OSBPL11: variants seen among roughly 807,000 people sequenced by gnomAD.
The protein encoded by OSBPL11 is oxysterol binding protein like 11, also known as oxysterol-binding protein-related protein 11.
A neutral mutation model predicts 84.4 loss-of-function variants in OSBPL11; 33 were observed. The ratio of observed to expected loss-of-function variants is 0.39; its 90% CI spans 0.30 to 0.52. The LOEUF is 0.52. Among genes scored for constraint, OSBPL11 ranks in the 20% least tolerant of loss-of-function variants. OSBPL11 has a pLI of 0.72. For synonymous variants in OSBPL11, 276 were observed against 310.2 expected (o/e 0.89, Z 1.16); for missense variants, 736 against 901.1 (o/e 0.82, Z 2.35).
intron 10 of OSBPL11, among the ~76,000 whole-genome samples, chr3:125,543,764 G>A (rs142248273): frequency 1.9e-4 from 29 of 152,160 alleles, no homozygotes; most frequent in African/African-American, 7.0e-4. Flanking sequence ...GCCAGGCATC[G>A]TGGCACGTGC....
intron 9 of OSBPL11, among the ~76,000 whole-genome samples, chr3:125,551,909 A>C (rs2107595335): frequency 6.6e-6 from 1 of 152,252 alleles, no homozygotes; most frequent in African/African-American, 2.4e-5. Flanking sequence ...ACACTCTAGA[A>C]ATTGGAGCGA....
chr3:125,574,893 C>A (rs898678362), intron 5 of OSBPL11, among the ~76,000 whole-genome samples: 3 of 152,134 alleles, frequency 2.0e-5, no homozygotes, highest in African/African-American at 7.2e-5. Flanking sequence ...AAGTGCAGGA[C>A]AGACCAATGG....
chr3:125,590,765 A>G (rs1024539486), intron 1 of OSBPL11, among the ~76,000 whole-genome samples: 6 of 152,352 alleles, frequency 3.9e-5, no homozygotes, highest in South Asian at 4.1e-4. Flanking sequence ...TACATAAGTT[A>G]GAACATGAGT....
chr3:125,594,622 G>A lies in OSBPL11; in HGVS notation c.164+15C>T, dbSNP rs1580070041. 1.2e-6 allele frequency: 2 copies of A among 1,608,038 alleles called. No individual in the cohort carries two copies. The highest frequency in any genetic ancestry group is 1.7e-6 in the Non-Finnish European group (2 of 1,176,530). ...ACCTCCACCTCGGGAAATAATTTTGGAGAAAGGAGCATACCTGTACTGCCA... is the reference window on the plus strand; with the variant it reads ...ACCTCCACCTCGGGAAATAATTTTGAAGAAAGGAGCATACCTGTACTGCCA... On this transcript the variant is annotated intron_variant, in intron 1 of 12. Transcript: ENST00000296220.
chr3:125,557,530 C>T (rs1377704250), intron 8 of OSBPL11, among the ~76,000 whole-genome samples: 1 of 152,106 alleles, frequency 6.6e-6, no homozygotes, highest in Non-Finnish European at 1.5e-5. Context: ...TACAGGCGTG[C>T]ACCACCATGC....
At chr3:125,579,839 T>A (rs1936393400) in intron 3 of OSBPL11, 26 bp downstream of exon 3, 1 of 1,606,352 alleles carries the variant, frequency 6.2e-7, no homozygotes, top group East Asian at 2.2e-5. Flanking sequence ...AAAATCACAG[T>A]ATTAATTCTC....
chr3:125,541,943 A>C (rs936088935), intron 10 of OSBPL11, among the ~76,000 whole-genome samples: 5 of 152,234 alleles, frequency 3.3e-5, no homozygotes, highest in Admixed American at 2.0e-4. Context: ...TAAAGGACTC[A>C]AAGTCCGGTT....
intron 11 of OSBPL11, among the ~76,000 whole-genome samples, chr3:125,532,374 C>T (rs1055655466): frequency 2.0e-5 from 3 of 151,984 alleles, no homozygotes; most frequent in African/African-American, 7.2e-5. Flanking sequence ...ATGGGGAACA[C>T]ATTTATTTTC....
chr3:125,539,737 C>A (rs1205080551), intron 10 of OSBPL11, among the ~76,000 whole-genome samples: 1 of 152,134 alleles, frequency 6.6e-6, no homozygotes, highest in Non-Finnish European at 1.5e-5. Flanking sequence ...GCGTGAGCCA[C>A]TGCGCCTGGA....
chr3:125,562,823 G>C (rs1277038108), intron 7 of OSBPL11, among the ~76,000 whole-genome samples: 1 of 152,152 alleles, frequency 6.6e-6, no homozygotes, highest in Non-Finnish European at 1.5e-5. Context: ...CTACTAGGGA[G>C]GTTGAGGCAG....
chr3:125,535,448 T>TTC (rs1366055015), intron 11 of OSBPL11, among the ~76,000 whole-genome samples: 1 of 141,552 alleles, frequency 7.1e-6, no homozygotes, highest in Admixed American at 7.0e-5. Flanking sequence ...TCTTTTTTTT[T>TTC]TTTTTTTTTT....
intron 4 of OSBPL11, 40 bp downstream of exon 4, chr3:125,578,920 C>A: frequency 7.9e-7 from 1 of 1,261,220 alleles, no homozygotes; most frequent in Non-Finnish European, 1.1e-6. Flanking sequence ...ATATTCCTTC[C>A]TCATTTTTGT....
chr3:125,594,796 T>C lies in OSBPL11; in HGVS notation c.5A>G (p.Gln2Arg). ...CATTGTGGACACTGGTTCACCCCCC[T>C]GCATCTTAACGCCAAAGTCCACTTG... M[Q>R]GGEPVSTMKV... The change falls in exon 1 of 13, where the codon CAG becomes CGG. Residue 2 changes from glutamine (Q) to arginine (R), a missense_variant. This residue lies in a region of OSBPL11 where 114 missense variants were observed against 104.9 expected (regional missense o/e 1.09). Coordinates refer to ENST00000296220, the MANE Select transcript of OSBPL11 (RefSeq NM_022776.5). 3 of 1,613,462 alleles carry C rather than the reference T, an allele frequency of 1.9e-6. No individual in the cohort carries two copies. The highest frequency in any genetic ancestry group is 2.5e-6 in the Non-Finnish European group (3 of 1,179,546).
rs145012193 is a variant in OSBPL11 at position 125,559,405 on chromosome 3, T to A, written c.1155+974A>T. Among the ~76,000 whole-genome samples, 24 of 152,262 alleles carry A rather than the reference T, an allele frequency of 1.6e-4. No homozygotes were observed. In the East Asian group the frequency reaches 4.1e-3, roughly 26 times the overall value. The stretch of plus-strand genomic sequence containing the variant: ...AAGAAAGCCAGAAAGCCTTTTTTTT[T>A]AGTGATGGAGTCTCGTTCTGTTGCC... On this transcript the variant is annotated intron_variant, in intron 8 of 12. Transcript: ENST00000296220.
Position 125,576,308 on chromosome 3 carries a change from TAGG to T in OSBPL11, c.544_546del (p.Pro182del), listed in dbSNP as rs1936321893. The T allele has an allele frequency of 6.2e-7, 1 of 1,608,896 alleles. No homozygotes were observed. The highest frequency in any genetic ancestry group is 8.5e-7 in the Non-Finnish European group (1 of 1,178,034). ...TTTTGACTTGGTCTCCTCTGCGATA[TAGG>T]AGAATTACTACTAGATGCAAGTGAG... On this transcript the variant is annotated inframe_deletion, in exon 5 of 13. Transcript: ENST00000296220.
intron 11 of OSBPL11, among the ~76,000 whole-genome samples, chr3:125,532,803 T>TATTCATCATTGCCCCCAGCTGGTAA (rs145498747): frequency 6.6e-6 from 1 of 151,746 alleles, no homozygotes; most frequent in African/African-American, 2.4e-5. Context: ...ACAGCAGTAT[T>TATTCATCATTGCCCCCAGCTGGTAA]ATGGATAGGC....
intron 10 of OSBPL11, among the ~76,000 whole-genome samples, chr3:125,540,810 T>A (rs1935719021): frequency 6.6e-6 from 1 of 151,718 alleles, no homozygotes; most frequent in Non-Finnish European, 1.5e-5. Flanking sequence ...TTAGAGCAGC[T>A]ACACAGCAAA....
chr3:125,582,821 T>C, intron 2 of OSBPL11, 89 bp downstream of exon 2: 1 of 967,168 alleles, frequency 1.0e-6, no homozygotes, highest in Non-Finnish European at 1.6e-6. Context: ...CAGCCATGTC[T>C]GTCTAAAGTA....
intron 5 of OSBPL11, among the ~76,000 whole-genome samples, chr3:125,571,815 T>C (rs1936247129): frequency 6.6e-6 from 1 of 152,212 alleles, no homozygotes; most frequent in Non-Finnish European, 1.5e-5. Flanking sequence ...AGCAGGGCTG[T>C]CATGGAGAAC....
Sources: gnomAD v4.1 joint callset for allele counts (sites outside exome capture counted in the v4.1 genomes callset) on GRCh38, gnomAD v4.1.1 for gene constraint, gnomAD v4.1.1 regional missense constraint, MANE v1.5 for transcripts, NCBI Gene and HGNC (gene_info 2026-07-23, HGNC 2026-07-21) for gene names.